The following DNAH14 variants were observed in gnomAD, a reference collection of about 807,000 sequenced individuals.
DNAH14 encodes axonemal beta dynein heavy chain 14.
A neutral mutation model predicts 520.9 loss-of-function variants in DNAH14; 478 were observed. That is an observed-to-expected ratio of 0.92 (90% CI 0.85 to 0.99). DNAH14 has a LOEUF of 0.99. DNAH14 is among the 50% of genes least tolerant of loss of function. The pLI, the probability that DNAH14 is intolerant of heterozygous loss-of-function variation, is 0.00. For missense variants in DNAH14, 4,831 were observed against 5,234.5 expected, an observed-to-expected ratio of 0.92 and a Z score of 2.38; for synonymous variants, 1,581 against 1,757.2, an observed-to-expected ratio of 0.90 and a Z score of 2.51.
intron 61 of DNAH14, among the ~76,000 whole-genome samples, chr1:225,321,737 A>G (rs1390981802): frequency 6.6e-6 from 1 of 152,202 alleles, no homozygotes; most frequent in Non-Finnish European, 1.5e-5. Flanking sequence ...TGGCACGTCA[A>G]CTGATTAAGA....
intron 60 of DNAH14, among the ~76,000 whole-genome samples, chr1:225,314,208 CT>C (rs1445919764): frequency 6.6e-6 from 1 of 152,056 alleles, no homozygotes; most frequent in Admixed American, 6.5e-5. Flanking sequence ...TTTTTTGTCT[CT>C]TTCGATCTTT....
rs56337123 is a variant in DNAH14, at chr1:224,953,129, C to CTTTTTTTTTT, written c.77+352_77+361dup. 8.6e-4 allele frequency: 131 copies of CTTTTTTTTTT among 151,470 alleles called. 2 individuals are homozygous for CTTTTTTTTTT. The highest frequency in any genetic ancestry group is 6.8e-3 in the South Asian group (37 of 5,410). The allele number at this position is 151,470 out of a possible 1,614,324, so 9.4% of individuals were successfully genotyped here. A position where few individuals can be genotyped will look rare whatever the true frequency, so the allele number is the denominator to read the frequency against. Reference sequence around the variant, plus strand: ...TAGGTACATTAGATACATAGAAATACTTTTTTTTTTTGAAACAGAGTCTCA... The same window carrying CTTTTTTTTTT: ...TAGGTACATTAGATACATAGAAATACTTTTTTTTTTTTTTTTTTTTTGAAACAGAGTCTCA... On this transcript the variant is annotated intron_variant, in intron 2 of 85. Transcript: ENST00000682510.
chr1:224,997,434 TTTTGTTTGTTTG>T (rs200064622), intron 8 of DNAH14, among the ~76,000 whole-genome samples: 17 of 150,490 alleles, frequency 1.1e-4, no homozygotes, highest in East Asian at 3.9e-4. Context: ...GCAGGTTTTT[TTTTGTTTGTTTG>T]TTTGTTTGTT....
Position 225,080,445 on chromosome 1 carries a change from C to T in DNAH14, c.2833C>T (p.Leu945Phe). The change falls in exon 19 of 86, where the codon CTC (leucine) becomes TTC (phenylalanine). Residue 945 changes from leucine (L) to phenylalanine (F), a missense_variant. Coordinates refer to ENST00000682510, the MANE Select transcript of DNAH14 (RefSeq NM_001367479.1). ...AACAGCAATGGAAATGATCCAGACT[C>T]TCTCAGGGGAAGCTGCAAGTTTAAC... ...VSTAMEMIQT[L>F]SGEAASLTNK... 6.4e-7 allele frequency: 1 copy of T among 1,551,468 alleles called. No individual in the cohort carries two copies. The highest frequency in any genetic ancestry group is 8.7e-7 in the Non-Finnish European group (1 of 1,146,912).
chr1:225,109,307 T>G (rs537349687), intron 23 of DNAH14, among the ~76,000 whole-genome samples: 2 of 152,266 alleles, frequency 1.3e-5, no homozygotes, highest in South Asian at 4.1e-4. Flanking sequence ...CTTTGAGTAG[T>G]GGGGACATTT....
intron 32 of DNAH14, 110 bp downstream of exon 32, chr1:225,152,183 C>T (rs2080567047): frequency 8.6e-6 from 8 of 926,570 alleles, no homozygotes; most frequent in South Asian, 1.7e-5. Context: ...TATCTGTCTC[C>T]ACCATCCTCT....
intron 65 of DNAH14, 108 bp from the exon 66 acceptor site, chr1:225,333,183 C>A: frequency 3.5e-6 from 3 of 848,700 alleles, no homozygotes; most frequent in Non-Finnish European, 3.5e-6. Flanking sequence ...AGCTTGAGAA[C>A]AGCAGTAGTA....
At chr1:225,264,376 A>T in intron 47 of DNAH14, 115 bp downstream of exon 47, 1 of 942,114 alleles carries the variant, frequency 1.1e-6, no homozygotes, top group Non-Finnish European at 1.6e-6. Context: ...TGGTAATTTA[A>T]TATAAAAAGT....
chr1:225,163,023 A>G (rs1053033476), intron 35 of DNAH14, among the ~76,000 whole-genome samples: 2 of 151,550 alleles, frequency 1.3e-5, no homozygotes, highest in Admixed American at 1.3e-4. Flanking sequence ...CTGTAATCCC[A>G]GCTACTGGGG....
Position 225,042,728 on chromosome 1 carries a change from A to T in DNAH14, c.1489-107A>T. Reference sequence around the variant, plus strand: ...TTTGGTAATACAGTGTTACTCGGTTATACTGGAGTTATGATTTCTCATTTA... The same window carrying T: ...TTTGGTAATACAGTGTTACTCGGTTTTACTGGAGTTATGATTTCTCATTTA... On this transcript the variant is annotated intron_variant, in intron 12 of 85. Coordinates refer to ENST00000682510, the MANE Select transcript of DNAH14 (RefSeq NM_001367479.1). 2.5e-6 allele frequency: 3 copies of T among 1,206,186 alleles called. No homozygotes were observed. In the South Asian group the frequency reaches 4.9e-5, roughly 20 times the overall value. The allele number at this position is 1,206,186 out of a possible 1,614,324, so 74.7% of individuals were successfully genotyped here.
At chr1:224,965,605 G>T (rs1191468011) in intron 5 of DNAH14, among the ~76,000 whole-genome samples, 2 of 152,038 alleles carry the variant, frequency 1.3e-5, no homozygotes, top group Non-Finnish European at 2.9e-5. Context: ...TTACCATGAA[G>T]ATAAATCATC....
rs2085609342 is a variant in DNAH14, at chr1:225,192,780, CCTAATA to C, written c.5759_5764del (p.Asn1920_Thr1921del). 6.5e-7 allele frequency: 1 copy of C among 1,549,984 alleles called. No individual in the cohort carries two copies. The highest frequency in any genetic ancestry group is 1.4e-5 in the African/African-American group (1 of 72,936). On this transcript the variant is annotated inframe_deletion, in exon 38 of 86. Transcript: ENST00000682510. ...CAGTGAACTATATGGACAACTGGAT[CCTAATA>C]CTATGGAATGGACTGATGGATTATT... is the stretch of plus-strand genomic sequence containing the variant.
chr1:225,397,011 CTTT>C (rs34693547), intron 84 of DNAH14: 9 of 143,658 alleles, frequency 6.3e-5, no homozygotes, highest in African/African-American at 5.1e-5. Context: ...CAGTAAAATT[CTTT>C]TTTTTTTTTT....
At chr1:225,292,313 A>G (rs969025962) in intron 55 of DNAH14, among the ~76,000 whole-genome samples, 2 of 151,958 alleles carry the variant, frequency 1.3e-5, no homozygotes, top group African/African-American at 4.8e-5. Context: ...TCATTCTTCT[A>G]TATATGGATA....
intron 64 of DNAH14, among the ~76,000 whole-genome samples, chr1:225,327,036 C>G (rs1291033232): frequency 2.0e-5 from 3 of 152,162 alleles, no homozygotes; most frequent in African/African-American, 4.8e-5. Flanking sequence ...TCAGTTGCAC[C>G]TGAGATATTC....
intron 61 of DNAH14, among the ~76,000 whole-genome samples, chr1:225,322,085 CTTT>C (rs3047035): frequency 8.9e-3 from 798 of 90,084 alleles, no homozygotes; most frequent in African/African-American, 0.031. Context: ...TTTTTTCTTT[CTTT>C]TTTTTTTTTT....
At position 225,217,850 on chromosome 1, in the gene DNAH14, C is replaced by T. The variant is rs181560145; in HGVS notation, c.6439+10630C>T. On this transcript the variant is annotated intron_variant, in intron 41 of 85. Coordinates refer to ENST00000682510, the MANE Select transcript of DNAH14 (RefSeq NM_001367479.1). ...GAATTCCCTGATCCCTTGGGCTTCC[C>T]GGGTGAGGCAATGCCCCACCCTGCT... Among the ~76,000 whole-genome samples, 273 of 152,242 alleles carry T rather than the reference C, an allele frequency of 1.8e-3. 1 individual carries two copies. The highest frequency in any genetic ancestry group is 6.8e-3 in the Middle Eastern group (2 of 294).
At chr1:225,154,153 T>G (rs1471894754) in intron 34 of DNAH14, among the ~76,000 whole-genome samples, 2 of 152,040 alleles carry the variant, frequency 1.3e-5, no homozygotes, top group African/African-American at 4.8e-5. Flanking sequence ...GTGACAGATG[T>G]GTAAAACTCA....
chr1:224,942,889 T>A (rs2059522271), intron 1 of DNAH14, among the ~76,000 whole-genome samples: 1 of 152,198 alleles, frequency 6.6e-6, no homozygotes, highest in Non-Finnish European at 1.5e-5. Context: ...TTTGATGTGC[T>A]GCTGGATTTG....
Sources: gnomAD v4.1 joint callset for allele counts (sites outside exome capture counted in the v4.1 genomes callset) on GRCh38, gnomAD v4.1.1 for gene constraint, MANE v1.5 for transcripts, NCBI Gene and HGNC (gene_info 2026-07-23, HGNC 2026-07-21) for gene names.